The following GPR137C variants were observed in gnomAD, a reference collection of about 807,000 sequenced individuals.
GPR137C encodes the protein integral membrane protein GPR137C.
GPR137C carries 27 observed loss-of-function variants against 43.4 expected under a neutral mutation model. The observed-to-expected ratio is 0.62, with a 90% CI of 0.46 to 0.86. The LOEUF is 0.86. Ranked by LOEUF, GPR137C falls within the 40% of genes least tolerant of loss-of-function variation. The pLI is 0.00. For missense variants in GPR137C, 522 were observed against 534.6 expected, an observed-to-expected ratio of 0.98 and a Z score of 0.23; for synonymous variants, 285 against 226.9, an observed-to-expected ratio of 1.26 and a Z score of -2.30.
intron 1 of GPR137C, among the ~76,000 whole-genome samples, chr14:52,577,743 G>A (rs1247517180): frequency 6.7e-6 from 1 of 148,328 alleles, no homozygotes; most frequent in Non-Finnish European, 1.5e-5. Flanking sequence ...CAGGCGGATC[G>A]CTTGAACCCA....
chr14:52,556,883 C>CT lies in GPR137C; in HGVS notation c.444+3295dup, dbSNP rs1048771226. On this transcript the variant is annotated intron_variant, in intron 1 of 6. Transcript: ENST00000321662. The stretch of plus-strand genomic sequence containing the variant: ...CATCTTCAACATATTGAAGTTCTTA[C>CT]TTTCAGTTTGGTCTTAGGAGTGCCA... Among the ~76,000 whole-genome samples, 104 of 152,072 alleles carry CT rather than the reference C, an allele frequency of 6.8e-4. 1 individual carries two copies. Among genetic ancestry groups the CT allele is most frequent in the African/African-American group, 2.5e-3 (102 of 41,490 alleles).
At chr14:52,608,665 T>A (rs998517116) in intron 3 of GPR137C, among the ~76,000 whole-genome samples, 1 of 152,120 alleles carries the variant, frequency 6.6e-6, no homozygotes, top group African/African-American at 2.4e-5. Flanking sequence ...TGAAAGTCTC[T>A]CTTTCACTTC....
intron 1 of GPR137C, among the ~76,000 whole-genome samples, chr14:52,558,685 C>G (rs755788213): frequency 6.6e-6 from 1 of 152,090 alleles, no homozygotes; most frequent in Admixed American, 6.5e-5. Context: ...TTATTAAATA[C>G]ATAGTACACA....
At chr14:52,565,389 G>A (rs1396102677) in intron 1 of GPR137C, among the ~76,000 whole-genome samples, 1 of 152,024 alleles carries the variant, frequency 6.6e-6, no homozygotes, top group African/African-American at 2.4e-5. Flanking sequence ...ATCAAAGTTA[G>A]TTAAAATGAA....
At chr14:52,614,740 A>G (rs976446521) in intron 3 of GPR137C, among the ~76,000 whole-genome samples, 2 of 151,632 alleles carry the variant, frequency 1.3e-5, no homozygotes, top group African/African-American at 2.4e-5. Context: ...TTCTGACTCA[A>G]CCTCCCAAAG....
intron 6 of GPR137C, among the ~76,000 whole-genome samples, chr14:52,634,582 T>C (rs2039331092): frequency 6.6e-6 from 1 of 152,094 alleles, no homozygotes; most frequent in African/African-American, 2.4e-5. Context: ...CAGAGGTTTG[T>C]TGTGAGAAAT....
chr14:52,601,319 A>G (rs1411255165), intron 3 of GPR137C, among the ~76,000 whole-genome samples: 1 of 152,184 alleles, frequency 6.6e-6, no homozygotes, highest in African/African-American at 2.4e-5. Flanking sequence ...GTCCTCTGAA[A>G]TATTTTTAGG....
At chr14:52,597,697 C>G (rs2038873241) in intron 1 of GPR137C, among the ~76,000 whole-genome samples, 1 of 152,166 alleles carries the variant, frequency 6.6e-6, no homozygotes. Flanking sequence ...ATGTTTATTT[C>G]AAATTTGGTT....
intron 3 of GPR137C, among the ~76,000 whole-genome samples, chr14:52,615,335 C>T (rs542931767): frequency 6.6e-6 from 1 of 152,258 alleles, no homozygotes; most frequent in South Asian, 2.1e-4. Flanking sequence ...ATGTCAGTAT[C>T]ATGCTGTTTA....
chr14:52,631,142 G>A lies in GPR137C; in HGVS notation c.718-1018G>A, dbSNP rs141720206. The stretch of plus-strand genomic sequence containing the variant: ...TTTAAACTATGTAAATATATACTTC[G>A]TTTATATTCAAAACGGAATTAGGTT... On this transcript the variant is annotated intron_variant, in intron 3 of 6. Transcript: ENST00000321662. 1.7e-3 allele frequency among the ~76,000 whole-genome samples: 264 copies of A among 152,196 alleles called. 5 individuals are homozygous for A. The East Asian group carries it at 0.041, about 24-fold the overall frequency.
chr14:52,570,686 G>A (rs904069474), intron 1 of GPR137C, among the ~76,000 whole-genome samples: 3 of 152,068 alleles, frequency 2.0e-5, no homozygotes, highest in African/African-American at 7.2e-5. Context: ...AAAAAAGCAG[G>A]GGTTGCAATC....
chr14:52,632,239 T>C lies in GPR137C; in HGVS notation c.797T>C (p.Val266Ala). ...LYSSRACYNL[V>A]VVTISQDTLE... ...TCTTCCAGAGCTTGTTATAATTTGG[T>C]GGTGGTCACCATATCTCAGGATACA... is the stretch of plus-strand genomic sequence containing the variant. Residue 266 changes from valine to alanine, a missense_variant, in exon 4 of 7, where the codon GTG becomes GCG. Val to Ala is a moderately conservative substitution (Grantham distance 64, BLOSUM62 0). Around this residue, in one of 3 missense-constraint regions of GPR137C, gnomAD observed 437 missense variants for 425.7 expected, o/e 1.03. Transcript: ENST00000321662. 1 of 1,610,302 alleles carries C rather than the reference T, an allele frequency of 6.2e-7. No individual in the cohort carries two copies. Among genetic ancestry groups the C allele is most frequent in the Non-Finnish European group, 8.5e-7 (1 of 1,176,642 alleles).
chr14:52,618,869 A>T (rs1257241149), intron 3 of GPR137C, among the ~76,000 whole-genome samples: 2 of 148,534 alleles, frequency 1.3e-5, no homozygotes, highest in Non-Finnish European at 3.1e-5. Context: ...TGAAAGACCA[A>T]TCAAAGAATG....
intron 1 of GPR137C, among the ~76,000 whole-genome samples, chr14:52,558,861 C>T (rs941186114): frequency 2.6e-5 from 4 of 151,882 alleles, no homozygotes; most frequent in East Asian, 1.9e-4. Context: ...AAAAATCACT[C>T]GGGATATAGC....
intron 2 of GPR137C, among the ~76,000 whole-genome samples, chr14:52,599,640 G>A (rs756512094): frequency 2.0e-5 from 3 of 151,984 alleles, no homozygotes; most frequent in Non-Finnish European, 2.9e-5. Context: ...CTCCATGTTG[G>A]CCAGGCTGGT....
At chr14:52,629,394 T>G (rs2039268440) in intron 3 of GPR137C, among the ~76,000 whole-genome samples, 1 of 152,194 alleles carries the variant, frequency 6.6e-6, no homozygotes, top group South Asian at 2.1e-4. Context: ...GTGATTTACT[T>G]TCTCAATTTT....
At chr14:52,600,718 G>A (rs916832212) in intron 3 of GPR137C, among the ~76,000 whole-genome samples, 2 of 152,160 alleles carry the variant, frequency 1.3e-5, no homozygotes, top group South Asian at 2.1e-4. Context: ...AAGAAAAGAA[G>A]AAAGAATATA....
chr14:52,569,073 C>T (rs1047496416), intron 1 of GPR137C, among the ~76,000 whole-genome samples: 4 of 152,166 alleles, frequency 2.6e-5, no homozygotes, highest in Non-Finnish European at 4.4e-5. Context: ...GATGGGTGCC[C>T]GTCTGGGACG....
intron 3 of GPR137C, among the ~76,000 whole-genome samples, chr14:52,623,336 A>T (rs1263040770): frequency 6.6e-6 from 1 of 152,200 alleles, no homozygotes; most frequent in Admixed American, 6.5e-5. Context: ...TCCAGCAGGC[A>T]TTCAGCAATG....
Sources: allele counts gnomAD v4.1 joint callset (sites outside exome capture counted in the v4.1 genomes callset), GRCh38; gene constraint gnomAD v4.1.1; regional missense constraint gnomAD v4.1.1; transcripts MANE v1.5; gene names NCBI Gene and HGNC (gene_info 2026-07-23, HGNC 2026-07-21).